KAZN: variants seen among roughly 807,000 people sequenced by gnomAD.
KAZN encodes kazrin.
Under a neutral mutation model 87.4 loss-of-function variants are expected in KAZN, and 40 were observed. That is an observed-to-expected ratio of 0.46 (90% CI 0.36 to 0.60). The LOEUF is 0.60. Among genes scored for constraint, KAZN ranks in the 20% least tolerant of loss-of-function variants. KAZN has a pLI of 0.00. For synonymous variants in KAZN, 466 were observed against 458.3 expected (o/e 1.02, Z -0.22); for missense variants, 898 against 1,073.9 (o/e 0.84, Z 2.29).
At chr1:14,631,960 G>A (rs1679603594) in intron 1 of KAZN, among the ~76,000 whole-genome samples, 1 of 152,174 alleles carries the variant, frequency 6.6e-6, no homozygotes, top group Non-Finnish European at 1.5e-5. Flanking sequence ...ATTTTGATTG[G>A]ATTTAGAAGT....
At chr1:14,004,165 G>A (rs1243680159) in intron 1 of KAZN, among the ~76,000 whole-genome samples, 5 of 151,330 alleles carry the variant, frequency 3.3e-5, no homozygotes, top group African/African-American at 7.3e-5. Flanking sequence ...TAAAACCACC[G>A]TGATATACAA....
At chr1:14,955,556 C>G (rs145812453) in intron 1 of KAZN, among the ~76,000 whole-genome samples, 1 of 152,360 alleles carries the variant, frequency 6.6e-6, no homozygotes, top group Non-Finnish European at 1.5e-5. Flanking sequence ...TTTTTCCAGC[C>G]TGGTCTCCTA....
chr1:14,239,420 T>C (rs957584240), intron 2 of KAZN, among the ~76,000 whole-genome samples: 3 of 151,936 alleles, frequency 2.0e-5, no homozygotes, highest in Admixed American at 1.3e-4. Context: ...ACTTTTGTTT[T>C]ACTTGGCAGT....
chr1:14,693,618 C>T (rs924818112), intron 1 of KAZN, among the ~76,000 whole-genome samples: 1 of 152,214 alleles, frequency 6.6e-6, no homozygotes, highest in Non-Finnish European at 1.5e-5. Flanking sequence ...CCCTCTTCTT[C>T]CATAAACCGT....
chr1:14,939,044 T>A (rs1660767424), intron 1 of KAZN, among the ~76,000 whole-genome samples: 1 of 151,968 alleles, frequency 6.6e-6, no homozygotes, highest in Non-Finnish European at 1.5e-5. Context: ...ATGACCTTGG[T>A]TCACTGCAAC....
chr1:14,550,419 A>G (rs142202562), intron 2 of KAZN, among the ~76,000 whole-genome samples: 1,979 of 152,246 alleles, frequency 0.013, 28 homozygotes, highest in South Asian at 0.067. Flanking sequence ...TCTGGGTGAA[A>G]AGGTTCCAGG....
chr1:14,561,858 C>T (rs1018074843), intron 2 of KAZN, among the ~76,000 whole-genome samples: 10 of 151,694 alleles, frequency 6.6e-5, no homozygotes, highest in South Asian at 4.2e-4. Flanking sequence ...GAGCCGAGAT[C>T]GTGCCACTGC....
chr1:13,897,788 G>T (rs1639100499), intron 1 of KAZN, among the ~76,000 whole-genome samples: 2 of 152,216 alleles, frequency 1.3e-5, no homozygotes, highest in South Asian at 4.1e-4. Context: ...CTCGCTCAAG[G>T]ATTTGGAGGA....
At chr1:14,259,586 T>C (rs576458168) in intron 2 of KAZN, among the ~76,000 whole-genome samples, 13 of 152,260 alleles carry the variant, frequency 8.5e-5, no homozygotes, top group African/African-American at 2.9e-4. Context: ...TCAGGAATCA[T>C]CTGAAAGAGG....
intron 2 of KAZN, among the ~76,000 whole-genome samples, chr1:14,526,944 A>G (rs1342526073): frequency 6.6e-6 from 1 of 152,240 alleles, no homozygotes; most frequent in Non-Finnish European, 1.5e-5. Flanking sequence ...CATCTTTCTG[A>G]CAATAGCATC....
At chr1:13,957,894 C>G (rs1641604309) in intron 1 of KAZN, among the ~76,000 whole-genome samples, 1 of 152,062 alleles carries the variant, frequency 6.6e-6, no homozygotes, top group Admixed American at 6.6e-5. Context: ...AACCACAGCA[C>G]TTTGTTTCTA....
In KAZN at chr1:14,673,384, G is replaced by A. The variant is rs1246204098; in HGVS notation, c.226+74161G>A. ...GTTTCAAAGTGGCCCATTGCACTGA[G>A]CCTTTGTTTCCTTCTTGGAAGCAAC... On this transcript the variant is annotated intron_variant, in intron 1 of 14. Transcript: ENST00000376030. 7.2e-5 allele frequency among the ~76,000 whole-genome samples: 11 copies of A among 152,214 alleles called. No homozygotes were observed. The East Asian group carries it at 2.1e-3, about 29-fold the overall frequency.
At chr1:14,909,112 C>T (rs1656939560) in intron 1 of KAZN, among the ~76,000 whole-genome samples, 1 of 152,202 alleles carries the variant, frequency 6.6e-6, no homozygotes, top group Admixed American at 6.5e-5. Flanking sequence ...CCCGAAGTTT[C>T]CTCTTCCATA....
intron 1 of KAZN, among the ~76,000 whole-genome samples, chr1:14,119,461 G>A (rs1205570532): frequency 6.6e-6 from 1 of 152,104 alleles, no homozygotes; most frequent in Admixed American, 6.6e-5. Flanking sequence ...TTGTCTTCAG[G>A]GTTACCACAA....
chr1:14,206,712 T>TC (rs968123351), intron 2 of KAZN, among the ~76,000 whole-genome samples: 3 of 151,786 alleles, frequency 2.0e-5, no homozygotes, highest in African/African-American at 4.8e-5. Context: ...CTTTTTTTTT[T>TC]TTTCAAATTC....
At chr1:14,441,787 CT>C (rs764769210) in intron 2 of KAZN, among the ~76,000 whole-genome samples, 2 of 152,110 alleles carry the variant, frequency 1.3e-5, no homozygotes, top group Non-Finnish European at 2.9e-5. Flanking sequence ...ATTAAATATA[CT>C]TTTTTTAACA....
At chr1:14,138,813 G>T (rs1645167928) in intron 1 of KAZN, among the ~76,000 whole-genome samples, 1 of 152,240 alleles carries the variant, frequency 6.6e-6, no homozygotes, top group African/African-American at 2.4e-5. Context: ...GGGCAAGGCT[G>T]TGTGTTTCTA....
intron 2 of KAZN, among the ~76,000 whole-genome samples, chr1:14,384,648 G>C (rs569460039): frequency 6.6e-6 from 1 of 152,196 alleles, no homozygotes; most frequent in African/African-American, 2.4e-5. Flanking sequence ...AACCAGCCTT[G>C]CATCCCAGGG....
At chr1:14,201,027 T>TGGTGCATGGCCTCTCCC (rs1160292150) in intron 2 of KAZN, among the ~76,000 whole-genome samples, 1 of 152,168 alleles carries the variant, frequency 6.6e-6, no homozygotes, top group Non-Finnish European at 1.5e-5. Context: ...TGGCCTCTCC[T>TGGTGCATGGCCTCTCCC]GGTGCATGGC....
Sources: allele counts gnomAD v4.1 joint callset (sites outside exome capture counted in the v4.1 genomes callset), GRCh38; gene constraint gnomAD v4.1.1; transcripts MANE v1.5; gene names NCBI Gene and HGNC (gene_info 2026-07-23, HGNC 2026-07-21).